Variants in TMF1 observed in about 807,000 individuals in gnomAD.
TMF1 encodes the protein TATA element modulatory factor.
A neutral mutation model predicts 126.5 loss-of-function variants in TMF1; 71 were observed. That is an observed-to-expected ratio of 0.56 (90% CI 0.46 to 0.68). The LOEUF (loss-of-function observed/expected upper bound fraction) is 0.68, where lower values mean the gene tolerates loss of function less well. Ranked by LOEUF, TMF1 falls within the 30% of genes least tolerant of loss-of-function variation. The pLI is 0.00. For missense variants in TMF1, 1,259 were observed against 1,253.2 expected, an observed-to-expected ratio of 1.00 and a Z score of -0.07; for synonymous variants, 461 against 430.5, an observed-to-expected ratio of 1.07 and a Z score of -0.88.
intron 2 of TMF1, 152 bp downstream of exon 2, chr3:69,047,200 GTTCAAC>G: frequency 1.3e-6 from 1 of 763,216 alleles, no homozygotes; most frequent in Non-Finnish European, 1.9e-6. Context: ...ATTAATAATT[GTTCAAC>G]TTCAAGGTAC....
At chr3:69,050,666 G>A (rs796820903) in intron 1 of TMF1, among the ~76,000 whole-genome samples, 13 of 152,272 alleles carry the variant, frequency 8.5e-5, no homozygotes, top group African/African-American at 3.1e-4. Flanking sequence ...AAAAAACAGA[G>A]TTACTCCAGC....
chr3:69,028,208 G>A lies in TMF1; in HGVS notation c.2664+18C>T. The A allele has an allele frequency of 6.2e-7, 1 of 1,600,384 alleles. No individual in the cohort carries two copies. Among genetic ancestry groups the A allele is most frequent in the South Asian group, 1.1e-5 (1 of 90,664 alleles). ...CTAATGTATGCCCTAAGAGCTGAGT[G>A]GTCACGAAGAGAAATACCTTTTCTT... On this transcript the variant is annotated intron_variant, in intron 12 of 16. Transcript: ENST00000398559.
chr3:69,023,309 T>C lies in TMF1; in HGVS notation c.3150A>G (p.Gln1050=), dbSNP rs1273357363. Residue 1050 remains glutamine (Q), a synonymous_variant, in exon 17 of 17, where the codon CAA becomes CAG. Coordinates refer to ENST00000398559, the MANE Select transcript of TMF1 (RefSeq NM_007114.3). ...KLRTQLRDLD[Q]RYNTILQMYG... is the part of the protein sequence containing the mutation. ...ACATCTGCAGAATAGTGTTGTACCT[T>C]TGATCCAAATCCTGAAAAATGTATT... 8 of 1,606,090 alleles carry C rather than the reference T, an allele frequency of 5.0e-6. No homozygotes were observed. Among genetic ancestry groups the C allele is most frequent in the East Asian group, 4.5e-5 (2 of 44,612 alleles).
At chr3:69,043,008 A>C in intron 4 of TMF1, 96 bp from the exon 5 acceptor site, 1 of 831,526 alleles carries the variant, frequency 1.2e-6, no homozygotes, top group Middle Eastern at 3.4e-4. Context: ...GTCCATAATC[A>C]CATTTGCAAT....
chr3:69,048,010 T>C lies in TMF1; in HGVS notation c.695A>G (p.Gln232Arg), dbSNP rs1169491709. Reference sequence around the variant, plus strand: ...ATTGCTCTGCCTGTCTTCATGTTTTTGTTCCTTAGGTTCCAAAGCTATGTC... The same window carrying C: ...ATTGCTCTGCCTGTCTTCATGTTTTCGTTCCTTAGGTTCCAAAGCTATGTC... Reference protein sequence around the residue: ...TKDIALEPKEQKHEDRQSNTP... With the variant: ...TKDIALEPKERKHEDRQSNTP... Residue 232 changes from glutamine to arginine, a missense_variant, in exon 2 of 17, where the codon CAA becomes CGA. Gln to Arg is a conservative substitution (Grantham distance 43). Coordinates refer to ENST00000398559, the MANE Select transcript of TMF1 (RefSeq NM_007114.3). 4 of 1,613,864 alleles carry C rather than the reference T, an allele frequency of 2.5e-6. No individual in the cohort carries two copies. The highest frequency in any genetic ancestry group is 1.7e-5 in the Admixed American group (1 of 60,012).
At position 69,049,911 on chromosome 3, in the gene TMF1, CAAGT is replaced by C. The variant is rs557095897; in HGVS notation, c.143-1353_143-1350del. Reference sequence around the variant, plus strand: ...CAATTAGAAGTTGGTGGAGAGAGCACAAGTAACTAAAAGCTTCTAAAAACTATCA... The same window carrying C: ...CAATTAGAAGTTGGTGGAGAGAGCACAACTAAAAGCTTCTAAAAACTATCA... On this transcript the variant is annotated intron_variant, in intron 1 of 16. Coordinates refer to ENST00000398559, the MANE Select transcript of TMF1 (RefSeq NM_007114.3). Among the ~76,000 whole-genome samples, 4 of 152,184 alleles carry C rather than the reference CAAGT, an allele frequency of 2.6e-5. No homozygotes were observed. In the South Asian group the frequency reaches 8.3e-4, roughly 32 times the overall value.
chr3:69,045,493 G>C (rs140061964), intron 2 of TMF1, among the ~76,000 whole-genome samples: 25 of 146,268 alleles, frequency 1.7e-4, no homozygotes, highest in African/African-American at 5.8e-4. Context: ...ATAAATAAAA[G>C]TAGAGGCCGG....
At chr3:69,042,948 T>G (rs894469572) in intron 4 of TMF1, 36 bp from the exon 5 acceptor site, 47 of 1,412,018 alleles carry the variant, frequency 3.3e-5, no homozygotes, top group Non-Finnish European at 4.3e-5. Flanking sequence ...CCGTAAAGAA[T>G]GACTTTCACT....
intron 15 of TMF1, chr3:69,025,020 TA>T (rs1312779356): frequency 6.6e-6 from 1 of 152,172 alleles, no homozygotes; most frequent in African/African-American, 2.4e-5. Context: ...TAAAGTTTTT[TA>T]AAAGCCAAAA....
At chr3:69,041,477 G>A (rs769684907) in intron 5 of TMF1, among the ~76,000 whole-genome samples, 13 of 152,134 alleles carry the variant, frequency 8.5e-5, no homozygotes, top group Admixed American at 5.2e-4. Context: ...GTTCTCAAAC[G>A]CTACCCTTTC....
At chr3:69,024,617 T>C (rs2091756702) in intron 15 of TMF1, among the ~76,000 whole-genome samples, 1 of 152,138 alleles carries the variant, frequency 6.6e-6, no homozygotes, top group African/African-American at 2.4e-5. Context: ...ATACCAGCTA[T>C]ACAAACATCT....
In TMF1 at chr3:69,024,115, A is replaced by G. The variant is rs1371224666; in HGVS notation, c.3078T>C (p.Asn1026=). ...IMAEELVKLT[N]QNDELEEKVK... ...CCTTCTCTTCAAGTTCATCATTTTGATTTGTTAATTTAACTAGTTCTTCAG... is the reference window on the plus strand; with the variant it reads ...CCTTCTCTTCAAGTTCATCATTTTGGTTTGTTAATTTAACTAGTTCTTCAG... The change falls in exon 16 of 17, where the codon AAT becomes AAC. Residue 1026 remains asparagine, a synonymous_variant. Coordinates refer to ENST00000398559, the MANE Select transcript of TMF1 (RefSeq NM_007114.3). The G allele has an allele frequency of 8.1e-6, 13 of 1,610,512 alleles. No individual in the cohort carries two copies. In the Admixed American group the frequency reaches 2.2e-4, roughly 27 times the overall value.
At position 69,022,915 on chromosome 3, in the gene TMF1, C is replaced by G. The variant is rs777559163; in HGVS notation, c.*262G>C. The G allele has an allele frequency of 6.5e-5, 19 of 293,260 alleles. No homozygotes were observed. Among genetic ancestry groups the G allele is most frequent in the Non-Finnish European group, 1.1e-4 (17 of 158,902 alleles). 18.2% of individuals were successfully genotyped at this position (293,260 alleles called of 1,614,324 possible). On this transcript the variant is annotated 3_prime_UTR_variant, in exon 17 of 17. Coordinates refer to ENST00000398559, the MANE Select transcript of TMF1 (RefSeq NM_007114.3). Reference sequence around the variant, plus strand: ...TTTATATGAGGATAAAGTAATAAATCTCTGTGCTATTCAAGGAAAAAAAAT... The same window carrying G: ...TTTATATGAGGATAAAGTAATAAATGTCTGTGCTATTCAAGGAAAAAAAAT...
intron 5 of TMF1, among the ~76,000 whole-genome samples, chr3:69,040,816 G>T (rs1402860270): frequency 2.6e-5 from 4 of 151,974 alleles, no homozygotes; most frequent in African/African-American, 7.3e-5. Flanking sequence ...CAGCTATTCG[G>T]GAGGCTGAGG....
rs2091720929 is a variant in TMF1, at chr3:69,020,035, A to G, written c.*3142T>C. On this transcript the variant is annotated 3_prime_UTR_variant, in exon 17 of 17. Transcript: ENST00000398559. The stretch of plus-strand genomic sequence containing the variant: ...ATGAAAAATTTTGATACACTAGAAC[A>G]TAAATGTATACGTACTAAACATACA... The G allele has an allele frequency of 6.6e-6, 1 of 152,162 alleles. No individual in the cohort carries two copies. Among genetic ancestry groups the G allele is most frequent in the Non-Finnish European group, 1.5e-5 (1 of 67,994 alleles). 9.4% of individuals were successfully genotyped at this position (152,162 alleles called of 1,614,324 possible).
intron 8 of TMF1, chr3:69,035,331 G>A: frequency 1.9e-6 from 1 of 529,068 alleles, no homozygotes; most frequent in South Asian, 2.4e-5. Flanking sequence ...ATTCTGTTAA[G>A]GCAAAGAAAC....
At chr3:69,050,688 A>C (rs1168347284) in intron 1 of TMF1, among the ~76,000 whole-genome samples, 2 of 152,238 alleles carry the variant, frequency 1.3e-5, no homozygotes, top group Non-Finnish European at 2.9e-5. Flanking sequence ...AGGTTATATG[A>C]CATCTTGTAA....
In TMF1 at chr3:69,019,846, A is replaced by C. The variant is rs2091720069; in HGVS notation, c.*3331T>G. 6.6e-6 allele frequency: 1 copy of C among 152,138 alleles called. No homozygotes were observed. The highest frequency in any genetic ancestry group is 2.4e-5 in the African/African-American group (1 of 41,452). 9.4% of individuals were successfully genotyped at this position (152,138 alleles called of 1,614,324 possible). ...ACACTATTACTATTTTAAAATCTTT[A>C]TTCAATCAGATCCATGCTTATTTAC... On this transcript the variant is annotated 3_prime_UTR_variant, in exon 17 of 17. Transcript: ENST00000398559.
chr3:69,044,522 A>G lies in TMF1; in HGVS notation c.1421T>C (p.Leu474Pro). 6.3e-7 allele frequency: 1 copy of G among 1,598,348 alleles called. No homozygotes were observed. The highest frequency in any genetic ancestry group is 8.5e-7 in the Non-Finnish European group (1 of 1,174,944). ...CAGGTTATCAAAAGCTTCTTCTAGA[A>G]GTGCTTTTTCCTTACTAAGAGATAA... ...QLLSLSKEKALLEEAFDNLKD... is the reference protein window; with the variant it reads ...QLLSLSKEKAPLEEAFDNLKD... The change falls in exon 3 of 17, where the codon CTT becomes CCT. Residue 474 changes from leucine (L) to proline (P), a missense_variant. Physicochemically the swap from Leu to Pro is moderately conservative, Grantham distance 98. Coordinates refer to ENST00000398559, the MANE Select transcript of TMF1 (RefSeq NM_007114.3).
Sources: allele counts gnomAD v4.1 joint callset (sites outside exome capture counted in the v4.1 genomes callset), GRCh38; gene constraint gnomAD v4.1.1; transcripts MANE v1.5; gene names NCBI Gene and HGNC (gene_info 2026-07-23, HGNC 2026-07-21).